CIAO3: variants seen among roughly 807,000 people sequenced by gnomAD.
CIAO3 encodes the protein cytosolic iron-sulfur assembly component 3.
In CIAO3, 45 loss-of-function variants were observed where a neutral mutation model predicts 51.5. That is an observed-to-expected ratio of 0.87 (90% CI 0.69 to 1.12). CIAO3 has a LOEUF of 1.12. Among genes scored for constraint, CIAO3 ranks in the 50% most tolerant of loss-of-function variants. The pLI, the probability that CIAO3 is intolerant of heterozygous loss-of-function variation, is 0.00. For missense variants in CIAO3, 668 were observed against 632.5 expected, an observed-to-expected ratio of 1.06 and a Z score of -0.60; for synonymous variants, 314 against 269.3, an observed-to-expected ratio of 1.17 and a Z score of -1.63.
chr16:736,393 C>T lies in CIAO3; in HGVS notation c.312G>A (p.Ala104=), dbSNP rs996650606. 1.6e-5 allele frequency: 26 copies of T among 1,612,634 alleles called. No homozygotes were observed. Among genetic ancestry groups the T allele is most frequent in the East Asian group, 8.9e-5 (4 of 44,900 alleles). The change falls in exon 4 of 11, where the codon GCG becomes GCA. Residue 104 remains alanine, a synonymous_variant. Transcript: ENST00000251588. Reference sequence around the variant, plus strand: ...CAACCAGCCTCTGCTGACTGGGTGCCGCCATCTGCAAAGCAAGGGGAAGAC... The same window carrying T: ...CAACCAGCCTCTGCTGACTGGGTGCTGCCATCTGCAAAGCAAGGGGAAGAC... ...LKKVLDANKM[A]APSQQRLVVV...
chr16:730,014 A>C lies in CIAO3; in HGVS notation c.*403T>G, dbSNP rs2041254139. ...CTCCCACCTTTTGCACAGAGCTTCA[A>C]GGGAAGCCTCCAGAAGTCAGGGGTG... On this transcript the variant is annotated 3_prime_UTR_variant, in exon 11 of 11. Coordinates refer to ENST00000251588, the MANE Select transcript of CIAO3 (RefSeq NM_022493.3). 2.9e-6 allele frequency: 1 copy of C among 347,118 alleles called. No homozygotes were observed. Among genetic ancestry groups the C allele is most frequent in the Non-Finnish European group, 5.4e-6 (1 of 185,188 alleles). 21.5% of individuals were successfully genotyped at this position (347,118 alleles called of 1,614,324 possible).
At chr16:734,965 C>T (rs781302864) in intron 4 of CIAO3, 94 bp from the exon 5 acceptor site, 126 of 1,427,002 alleles carry the variant, frequency 8.8e-5, no homozygotes, top group African/African-American at 3.6e-4. Context: ...TGCCAGGGCA[C>T]GTGTGTCGCA....
intron 7 of CIAO3, 49 bp from the exon 8 acceptor site, chr16:732,422 C>T (rs1311867934): frequency 6.2e-7 from 1 of 1,603,890 alleles, no homozygotes; most frequent in Admixed American, 1.7e-5. Flanking sequence ...ATCCCAGCAA[C>T]AAAGTCAGAG....
intron 8 of CIAO3, 64 bp from the exon 9 acceptor site, chr16:731,766 C>A: frequency 6.8e-7 from 1 of 1,472,248 alleles, no homozygotes; most frequent in Non-Finnish European, 9.0e-7. Flanking sequence ...CCGAGCAGGG[C>A]CTCTGTCCCT....
Position 730,018 on chromosome 16 carries a change from A to T in CIAO3, c.*399T>A. 1 of 346,438 alleles carries T rather than the reference A, an allele frequency of 2.9e-6. No homozygotes were observed. The highest frequency in any genetic ancestry group is 5.4e-6 in the Non-Finnish European group (1 of 185,192). The allele number at this position is 346,438 out of a possible 1,614,324, so 21.5% of individuals were successfully genotyped here. On this transcript the variant is annotated 3_prime_UTR_variant, in exon 11 of 11. Coordinates refer to ENST00000251588, the MANE Select transcript of CIAO3 (RefSeq NM_022493.3). Reference sequence around the variant, plus strand: ...CACCTTTTGCACAGAGCTTCAAGGGAAGCCTCCAGAAGTCAGGGGTGAGAA... The same window carrying T: ...CACCTTTTGCACAGAGCTTCAAGGGTAGCCTCCAGAAGTCAGGGGTGAGAA...
In CIAO3 at chr16:730,482, G is replaced by A. The variant is rs373625573; in HGVS notation, c.1366C>T (p.Arg456Cys). The change falls in exon 11 of 11, where the codon CGC becomes TGC. Residue 456 changes from arginine to cysteine, a missense_variant. Arg to Cys is a radical substitution (Grantham distance 180, BLOSUM62 -3). Coordinates refer to ENST00000251588, the MANE Select transcript of CIAO3 (RefSeq NM_022493.3). Reference sequence around the variant, plus strand: ...GCGTGGTACTGCGTATGCAGCAAGCGACCTGCACACTCCGAGTCCGTGCCC... The same window carrying A: ...GCGTGGTACTGCGTATGCAGCAAGCAACCTGCACACTCCGAGTCCGTGCCC... ...LQGTDSECAG[R>C]LLHTQYHAVE... 36 of 1,608,792 alleles carry A rather than the reference G, an allele frequency of 2.2e-5. No homozygotes were observed. Among genetic ancestry groups the A allele is most frequent in the East Asian group, 4.5e-5 (2 of 44,896 alleles).
intron 2 of CIAO3, among the ~76,000 whole-genome samples, chr16:738,833 A>G (rs1280825240): frequency 2.7e-5 from 4 of 149,404 alleles, no homozygotes; most frequent in Non-Finnish European, 4.5e-5. Context: ...TTTTTAGTAC[A>G]GATGGGGGTT....
rs1596671204 is a variant in CIAO3, at chr16:733,102, GTCC to G, written c.823+193_823+195del. Reference sequence around the variant, plus strand: ...ATTACTGAGCGCCACCTGGCTGCAGGTCCCCAAGACAGGCCAGCTGCAAATGGG... The same window carrying G: ...ATTACTGAGCGCCACCTGGCTGCAGGCCAAGACAGGCCAGCTGCAAATGGG... On this transcript the variant is annotated intron_variant, in intron 7 of 10. Coordinates refer to ENST00000251588, the MANE Select transcript of CIAO3 (RefSeq NM_022493.3). 85 of 632,522 alleles carry G rather than the reference GTCC, an allele frequency of 1.3e-4. No homozygotes were observed. The South Asian group carries it at 1.7e-3, about 12-fold the overall frequency. The allele number at this position is 632,522 out of a possible 1,614,324, so 39.2% of individuals were successfully genotyped here.
intron 2 of CIAO3, among the ~76,000 whole-genome samples, chr16:739,080 G>A (rs929118126): frequency 2.0e-5 from 3 of 151,414 alleles, no homozygotes; most frequent in African/African-American, 7.3e-5. Context: ...GGTGGATCAC[G>A]AGGTCAGGAG....
Position 730,165 on chromosome 16 carries a change from C to T in CIAO3, c.*252G>A, listed in dbSNP as rs962223091. The stretch of plus-strand genomic sequence containing the variant: ...CTCGGCCCAGGGCCAACGGAACAGG[C>T]TCTGGGACCTCAGGGAACCTTCTGC... On this transcript the variant is annotated 3_prime_UTR_variant, in exon 11 of 11. Transcript: ENST00000251588. The T allele has an allele frequency of 1.2e-5, 7 of 577,918 alleles. No individual in the cohort carries two copies. In the African/African-American group the frequency reaches 1.3e-4, roughly 11 times the overall value. The allele number at this position is 577,918 out of a possible 1,614,324, so 35.8% of individuals were successfully genotyped here.
intron 7 of CIAO3, chr16:732,900 T>A (rs2041300077): frequency 3.2e-6 from 1 of 316,482 alleles, no homozygotes; most frequent in African/African-American, 2.2e-5. Context: ...CCTCCCAAAG[T>A]GCTGGGATTA....
At chr16:735,948 C>G (rs2041332895) in intron 4 of CIAO3, among the ~76,000 whole-genome samples, 1 of 152,186 alleles carries the variant, frequency 6.6e-6, no homozygotes, top group Non-Finnish European at 1.5e-5. Flanking sequence ...CCAAAGTCAG[C>G]AGAAGCTGAC....
chr16:731,611 C>G lies in CIAO3; in HGVS notation c.988G>C (p.Glu330Gln). 3 of 1,563,820 alleles carry G rather than the reference C, an allele frequency of 1.9e-6. No homozygotes were observed. Among genetic ancestry groups the G allele is most frequent in the Non-Finnish European group, 1.7e-6 (2 of 1,154,598 alleles). Reference sequence around the variant, plus strand: ...TCAGCCACATGGATTCCAAAGAGCTCTCGGGCCGCGTGCCGGAACACGTGC... The same window carrying G: ...TCAGCCACATGGATTCCAAAGAGCTGTCGGGCCGCGTGCCGGAACACGTGC... ...LEHVFRHAAR[E>Q]LFGIHVAEVT... The change falls in exon 9 of 11, where the codon GAG becomes CAG. Residue 330 changes from glutamate to glutamine, a missense_variant. By Grantham distance (29) the Glu-to-Gln change is conservative (BLOSUM62 2). Transcript: ENST00000251588.
In CIAO3 at chr16:730,726, G is replaced by A. The variant is rs977146787; in HGVS notation, c.1193-71C>T. 18 of 1,580,864 alleles carry A rather than the reference G, an allele frequency of 1.1e-5. No individual in the cohort carries two copies. The African/African-American group carries it at 1.6e-4, about 14-fold the overall frequency. ...CAAGCTTCCTGACCACCAGGGAGCA[G>A]GGAGGTGACCGGGCCCCCTCTGTGC... On this transcript the variant is annotated intron_variant, in intron 10 of 10. Coordinates refer to ENST00000251588, the MANE Select transcript of CIAO3 (RefSeq NM_022493.3).
In CIAO3 at chr16:731,625, CG is replaced by C; in HGVS notation, c.973del (p.Arg325GlyfsTer20). ...GSGGYLEHVF[R>X]HAARELFGIH... Reference sequence around the variant, plus strand: ...TCCAAAGAGCTCTCGGGCCGCGTGCCGGAACACGTGCTCCAGGTAGCCCCCC... The same window carrying C: ...TCCAAAGAGCTCTCGGGCCGCGTGCCGAACACGTGCTCCAGGTAGCCCCCC... On this transcript the variant is annotated frameshift_variant, in exon 9 of 11. Transcript: ENST00000251588. LOFTEE classifies it high-confidence loss of function. 6.4e-7 allele frequency: 1 copy of C among 1,561,614 alleles called. No homozygotes were observed. Among genetic ancestry groups the C allele is most frequent in the Non-Finnish European group, 8.7e-7 (1 of 1,153,356 alleles).
In CIAO3 at chr16:734,607, C is replaced by T. The variant is rs748786419; in HGVS notation, c.574+130G>A. On this transcript the variant is annotated intron_variant, in intron 5 of 10. Transcript: ENST00000251588. ...GAAAAGGCCATTTGTGCCAACATTT[C>T]CAACCCGTCCCGCAAAACCTGCTTG... 5 of 1,523,344 alleles carry T rather than the reference C, an allele frequency of 3.3e-6. No homozygotes were observed. The South Asian group carries it at 5.6e-5, about 17-fold the overall frequency. 94.4% of individuals were successfully genotyped at this position (1,523,344 alleles called of 1,614,324 possible). A position where few individuals can be genotyped will look rare whatever the true frequency, so the allele number is the denominator to read the frequency against.
chr16:732,554 G>A (rs112031978), intron 7 of CIAO3, 181 bp from the exon 8 acceptor site: 1 of 706,562 alleles, frequency 1.4e-6, no homozygotes, highest in Non-Finnish European at 2.5e-6. Context: ...TCTGGAGGCT[G>A]CCTGGTCCTG....
intron 1 of CIAO3, 135 bp downstream of exon 1, chr16:740,785 T>A (rs1273967103): frequency 2.3e-6 from 2 of 874,402 alleles, no homozygotes; most frequent in East Asian, 3.1e-5. Context: ...GTCGATAGAG[T>A]CCCTGACGGC....
chr16:740,237 C>T, intron 1 of CIAO3: 3 of 552,536 alleles, frequency 5.4e-6, no homozygotes. Flanking sequence ...CAGCCCGCCT[C>T]TCGCCCTGCT....
Sources: allele counts gnomAD v4.1 joint callset (sites outside exome capture counted in the v4.1 genomes callset), GRCh38; gene constraint gnomAD v4.1.1; transcripts MANE v1.5; gene names NCBI Gene and HGNC (gene_info 2026-07-23, HGNC 2026-07-21).